Variants in SRSF4 observed in about 807,000 individuals in gnomAD.
SRSF4 encodes the protein serine and arginine rich splicing factor 4, also known as serine/arginine-rich splicing factor 4.
In SRSF4, 12 loss-of-function variants were observed where a neutral mutation model predicts 48.8. That is an observed-to-expected ratio of 0.25 (90% CI 0.16 to 0.40). The LOEUF (loss-of-function observed/expected upper bound fraction) is 0.40, where lower values mean the gene tolerates loss of function less well. Ranked by LOEUF, SRSF4 falls within the 10% of genes least tolerant of loss-of-function variation. The pLI, the probability that SRSF4 is intolerant of heterozygous loss-of-function variation, is 1.00. For synonymous variants in SRSF4, 248 were observed against 232.5 expected (o/e 1.07, Z -0.61); for missense variants, 466 against 667.1 (o/e 0.70, Z 3.32).
At chr1:29,154,953 C>G (rs770851162) in intron 3 of SRSF4, 43 bp from the exon 4 acceptor site, 2 of 1,534,636 alleles carry the variant, frequency 1.3e-6, no homozygotes, top group Admixed American at 3.7e-5. Flanking sequence ...ATATGTTTTG[C>G]TAAAATATCT....
In SRSF4 at chr1:29,154,679, A is replaced by G. The variant is rs1672470940; in HGVS notation, c.578+17T>C. The G allele has an allele frequency of 6.2e-7, 1 of 1,612,104 alleles. No homozygotes were observed. The highest frequency in any genetic ancestry group is 1.3e-5 in the African/African-American group (1 of 74,798). On this transcript the variant is annotated intron_variant, in intron 4 of 5. Coordinates refer to ENST00000373795, the MANE Select transcript of SRSF4 (RefSeq NM_005626.5). ...AATTTATGATGAGCTCCAACACACAAAAGACATCAACAGTACCTTGAATGA... is the reference window on the plus strand; with the variant it reads ...AATTTATGATGAGCTCCAACACACAGAAGACATCAACAGTACCTTGAATGA...
intron 1 of SRSF4, among the ~76,000 whole-genome samples, chr1:29,175,374 C>G (rs1309795677): frequency 6.6e-6 from 1 of 151,134 alleles, no homozygotes; most frequent in Non-Finnish European, 1.5e-5. Flanking sequence ...GCATTCCAGC[C>G]TGGGCAACAG....
At chr1:29,165,528 A>G (rs1193704530) in intron 1 of SRSF4, among the ~76,000 whole-genome samples, 1 of 152,234 alleles carries the variant, frequency 6.6e-6, no homozygotes, top group Non-Finnish European at 1.5e-5. Flanking sequence ...CCCAAACACC[A>G]AGTCTGCCCT....
intron 1 of SRSF4, among the ~76,000 whole-genome samples, chr1:29,176,210 C>A (rs1161481842): frequency 6.6e-6 from 1 of 152,026 alleles, no homozygotes; most frequent in Non-Finnish European, 1.5e-5. Context: ...TGAGATTGTA[C>A]CACTGCACTC....
chr1:29,153,119 G>C (rs953347723), intron 4 of SRSF4, among the ~76,000 whole-genome samples: 1 of 151,942 alleles, frequency 6.6e-6, no homozygotes, highest in Admixed American at 6.6e-5. Context: ...CTGAGTTTCA[G>C]GGGGGCAAGG....
intron 1 of SRSF4, among the ~76,000 whole-genome samples, chr1:29,173,660 G>T (rs1207493750): frequency 2.1e-5 from 3 of 146,106 alleles, no homozygotes; most frequent in African/African-American, 7.6e-5. Flanking sequence ...TGCTGGCCAG[G>T]CTGGTCTCAA....
At chr1:29,151,685 T>A (rs566431607) in intron 4 of SRSF4, among the ~76,000 whole-genome samples, 1 of 152,346 alleles carries the variant, frequency 6.6e-6, no homozygotes, top group African/African-American at 2.4e-5. Context: ...GAATATGGCC[T>A]GGGCATTTAG....
chr1:29,154,916 GA>G lies in SRSF4; in HGVS notation c.364-7del, dbSNP rs66504457. On this transcript the variant is annotated splice_region_variant and splice_polypyrimidine_tract_variant and intron_variant, in intron 3 of 5. Coordinates refer to ENST00000373795, the MANE Select transcript of SRSF4 (RefSeq NM_005626.5). ...CCTGCCTGACGCATATAATCCTGAA[GA>G]AAAAAAAAAGTGTGACTACATTAGG... The G allele has an allele frequency of 4.2e-4, 621 of 1,475,848 alleles. 2 individuals are homozygous for G. The East Asian group carries it at 7.1e-3, about 17-fold the overall frequency. 91.4% of individuals were successfully genotyped at this position (1,475,848 alleles called of 1,614,324 possible).
chr1:29,165,863 C>T (rs531522389), intron 1 of SRSF4: 1 of 152,222 alleles, frequency 6.6e-6, no homozygotes, highest in Non-Finnish European at 1.5e-5. Flanking sequence ...GAAAATATGC[C>T]CCTTTCCACG....
At chr1:29,175,863 G>T (rs1016666482) in intron 1 of SRSF4, among the ~76,000 whole-genome samples, 2 of 151,934 alleles carry the variant, frequency 1.3e-5, no homozygotes, top group Admixed American at 6.6e-5. Context: ...AATTAATCCA[G>T]AACCAAATGT....
chr1:29,168,122 C>A (rs918497129), intron 1 of SRSF4, among the ~76,000 whole-genome samples: 61 of 151,444 alleles, frequency 4.0e-4, no homozygotes, highest in African/African-American at 1.4e-3. Flanking sequence ...TCAAGCAATT[C>A]TTGTACCTCA....
In SRSF4 at chr1:29,181,829, C is replaced by A. The variant is rs1254739662; in HGVS notation, c.-77G>T. On this transcript the variant is annotated 5_prime_UTR_variant, in exon 1 of 6. Coordinates refer to ENST00000373795, the MANE Select transcript of SRSF4 (RefSeq NM_005626.5). ...GGCGGGCAAAGCGAGAGCACGGCGG[C>A]AGCGGCGGCGGCGGCAACGGGCGGG... 3 of 1,267,288 alleles carry A rather than the reference C, an allele frequency of 2.4e-6. No homozygotes were observed. 78.5% of individuals were successfully genotyped at this position (1,267,288 alleles called of 1,614,324 possible).
intron 3 of SRSF4, among the ~76,000 whole-genome samples, chr1:29,156,663 T>C (rs529462675): frequency 3.9e-5 from 6 of 152,286 alleles, no homozygotes; most frequent in African/African-American, 1.4e-4. Context: ...AATTATCTAT[T>C]ACTCTCGTTT....
chr1:29,149,346 G>T, intron 5 of SRSF4, 120 bp from the exon 6 acceptor site: 2 of 1,252,644 alleles, frequency 1.6e-6, no homozygotes, highest in Non-Finnish European at 2.2e-6. Flanking sequence ...GCTGGCACTG[G>T]CTGAGGATTG....
intron 1 of SRSF4, among the ~76,000 whole-genome samples, chr1:29,177,521 A>T (rs562599384): frequency 6.6e-6 from 1 of 152,246 alleles, no homozygotes; most frequent in East Asian, 1.9e-4. Flanking sequence ...ACCTTGGGTG[A>T]TCTGCCTGCC....
chr1:29,154,909 T>A lies in SRSF4; in HGVS notation c.365A>T (p.Asp122Val). ...SSRCSWQDLKDYMRQAGEVTY... is the reference protein window; with the variant it reads ...SSRCSWQDLKVYMRQAGEVTY... ...CACTTCTCCTGCCTGACGCATATAA[T>A]CCTGAAGAAAAAAAAAAGTGTGACT... Residue 122 changes from aspartate to valine, a missense_variant and splice_region_variant, in exon 4 of 6, where the codon GAT (aspartate) becomes GTT (valine). Physicochemically the swap from Asp to Val is radical, Grantham distance 152 (BLOSUM62 -3). This residue lies in a region of SRSF4 where 64 missense variants were observed against 230.2 expected (regional missense o/e 0.28). Coordinates refer to ENST00000373795, the MANE Select transcript of SRSF4 (RefSeq NM_005626.5). 6.2e-7 allele frequency: 1 copy of A among 1,606,566 alleles called. No individual in the cohort carries two copies. Among genetic ancestry groups the A allele is most frequent in the African/African-American group, 1.3e-5 (1 of 74,296 alleles).
chr1:29,169,895 T>C (rs992116320), intron 1 of SRSF4: 2 of 152,240 alleles, frequency 1.3e-5, no homozygotes, highest in African/African-American at 2.4e-5. Context: ...AATATGAATT[T>C]AGTCTTACTC....
At position 29,148,699 on chromosome 1, in the gene SRSF4, G is replaced by T. The variant is rs200015733; in HGVS notation, c.1196C>A (p.Thr399Asn). Reference sequence around the variant, plus strand: ...TGGAGATCTGGACTGGGAGCGGTCAGTGTCTTCCTTCTTCTTCTTCTTGCT... The same window carrying T: ...TGGAGATCTGGACTGGGAGCGGTCATTGTCTTCCTTCTTCTTCTTCTTGCT... Reference protein sequence around the residue: ...GSSKKKKKEDTDRSQSRSPSR... With the variant: ...GSSKKKKKEDNDRSQSRSPSR... Residue 399 changes from threonine (T) to asparagine (N), a missense_variant, in exon 6 of 6, where the codon ACT becomes AAT. Thr to Asn is a moderately conservative substitution (Grantham distance 65, BLOSUM62 0). Coordinates refer to ENST00000373795, the MANE Select transcript of SRSF4 (RefSeq NM_005626.5). 1 of 1,614,056 alleles carries T rather than the reference G, an allele frequency of 6.2e-7. No homozygotes were observed. Among genetic ancestry groups the T allele is most frequent in the Non-Finnish European group, 8.5e-7 (1 of 1,180,012 alleles).
chr1:29,172,708 T>C (rs563966962), intron 1 of SRSF4: 1 of 152,304 alleles, frequency 6.6e-6, no homozygotes, highest in South Asian at 2.1e-4. Context: ...TTTGGTTATA[T>C]GCACTGAGAT....
Sources: allele counts gnomAD v4.1 joint callset (sites outside exome capture counted in the v4.1 genomes callset), GRCh38; gene constraint gnomAD v4.1.1; regional missense constraint gnomAD v4.1.1; transcripts MANE v1.5; gene names NCBI Gene and HGNC (gene_info 2026-07-23, HGNC 2026-07-21).